NT5C3A: variants seen among roughly 807,000 people sequenced by gnomAD.
NT5C3A encodes 5'-nucleotidase, cytosolic IIIA.
NT5C3A carries 23 observed loss-of-function variants against 40.0 expected under a neutral mutation model. The observed-to-expected ratio is 0.58, with a 90% CI of 0.41 to 0.81. NT5C3A has a LOEUF of 0.81. Ranked by LOEUF, NT5C3A falls within the 40% of genes least tolerant of loss-of-function variation. The pLI is 0.00. For synonymous variants in NT5C3A, 130 were observed against 141.4 expected (o/e 0.92, Z 0.57); for missense variants, 328 against 403.0 (o/e 0.81, Z 1.59).
Position 33,054,987 on chromosome 7 carries a change from G to C in NT5C3A, c.138+7581C>G, listed in dbSNP as rs190162694. The stretch of plus-strand genomic sequence containing the variant: ...TGTGTTGAGAGCTACTTAAAATCTA[G>C]ATATTTCAAGTGTGAATGAATATAT... On this transcript the variant is annotated intron_variant, in intron 1 of 8. Coordinates refer to ENST00000610140, the MANE Select transcript of NT5C3A (RefSeq NM_001002010.5). Among the ~76,000 whole-genome samples the C allele has an allele frequency of 3.1e-3, 465 of 152,310 alleles. 2 individuals are homozygous for C. Among genetic ancestry groups the C allele is most frequent in the Middle Eastern group, 6.8e-3 (2 of 294 alleles).
chr7:33,016,661 C>T (rs1470761424), intron 7 of NT5C3A, among the ~76,000 whole-genome samples: 2 of 129,690 alleles, frequency 1.5e-5, no homozygotes, highest in African/African-American at 6.3e-5. Flanking sequence ...CAGAGCAAGA[C>T]TCCCTCTCAA....
chr7:33,026,602 C>A (rs1785949853), intron 2 of NT5C3A, among the ~76,000 whole-genome samples: 1 of 151,638 alleles, frequency 6.6e-6, no homozygotes, highest in Non-Finnish European at 1.5e-5. Flanking sequence ...CCTTGTCCAC[C>A]CGCCTCGGCC....
chr7:33,062,696 C>A lies in NT5C3A; in HGVS notation c.10G>T (p.Ala4Ser). The change falls in exon 1 of 9, where the codon GCG becomes TCG. Residue 4 changes from alanine to serine, a missense_variant. Coordinates refer to ENST00000610140, the MANE Select transcript of NT5C3A (RefSeq NM_001002010.5). ...ACCGCGCCCACCCTCGCCACGGCCGCGCGGTCCATGGACGGGGCCCTCATG... is the reference window on the plus strand; with the variant it reads ...ACCGCGCCCACCCTCGCCACGGCCGAGCGGTCCATGGACGGGGCCCTCATG... MDR[A>S]AVARVGAVAS... The A allele has an allele frequency of 6.4e-6, 10 of 1,566,432 alleles. No individual in the cohort carries two copies. The highest frequency in any genetic ancestry group is 7.8e-6 in the Non-Finnish European group (9 of 1,156,494).
At chr7:33,024,165 C>A (rs1311907513) in intron 2 of NT5C3A, 57 bp from the exon 3 acceptor site, 9 of 953,180 alleles carry the variant, frequency 9.4e-6, no homozygotes, top group Non-Finnish European at 5.1e-6. Flanking sequence ...GCCAGAATTT[C>A]TCTGTGCTAC....
chr7:33,032,423 C>A (rs1338729354), intron 1 of NT5C3A, among the ~76,000 whole-genome samples: 1,021 of 94,540 alleles, frequency 0.011, 1 homozygote, highest in South Asian at 0.013. Context: ...ACTCGGTCTC[C>A]AAAAAAAAAA....
At position 33,027,113 on chromosome 7, in the gene NT5C3A, C is replaced by T. The variant is rs932205526; in HGVS notation, c.139-198G>A. 17 of 471,890 alleles carry T rather than the reference C, an allele frequency of 3.6e-5. 1 individual carries two copies. Among genetic ancestry groups the T allele is most frequent in the African/African-American group, 2.2e-4 (11 of 50,326 alleles). 29.2% of individuals were successfully genotyped at this position (471,890 alleles called of 1,614,324 possible). On this transcript the variant is annotated intron_variant, in intron 1 of 8. Coordinates refer to ENST00000610140, the MANE Select transcript of NT5C3A (RefSeq NM_001002010.5). ...GAGATGAGGTCTTGTTTTGTCACCC[C>T]GGCTGGAGTGCAGTGGCACAATCCT... is the stretch of plus-strand genomic sequence containing the variant.
chr7:33,033,057 G>A (rs767003353), intron 1 of NT5C3A, among the ~76,000 whole-genome samples: 2 of 152,136 alleles, frequency 1.3e-5, no homozygotes, highest in Non-Finnish European at 2.9e-5. Context: ...CAGCCTCAGT[G>A]AATTTTAAAT....
chr7:33,051,526 A>G (rs1318634559), intron 1 of NT5C3A, among the ~76,000 whole-genome samples: 1 of 152,182 alleles, frequency 6.6e-6, no homozygotes, highest in Non-Finnish European at 1.5e-5. Flanking sequence ...TAAAATACAC[A>G]GGAACATTCA....
At chr7:33,034,183 G>A (rs994076389) in intron 1 of NT5C3A, among the ~76,000 whole-genome samples, 8 of 152,022 alleles carry the variant, frequency 5.3e-5, no homozygotes, top group East Asian at 1.9e-4. Flanking sequence ...GAGCCACCGC[G>A]CCCGGCCAGA....
chr7:33,062,563 C>G lies in NT5C3A; in HGVS notation c.138+5G>C, dbSNP rs756667436. The G allele has an allele frequency of 4.3e-6, 7 of 1,609,680 alleles. No homozygotes were observed. Among genetic ancestry groups the G allele is most frequent in the Non-Finnish European group, 5.9e-6 (7 of 1,178,672 alleles). ...GCTCTGGGCGCGCCGAGCCTCCACA[C>G]TCACCATCTCGATGATCTTGGTCTT... On this transcript the variant is annotated splice_donor_5th_base_variant and intron_variant, in intron 1 of 8. Coordinates refer to ENST00000610140, the MANE Select transcript of NT5C3A (RefSeq NM_001002010.5).
chr7:33,019,015 A>T (rs1468275990), intron 6 of NT5C3A, among the ~76,000 whole-genome samples: 1 of 152,002 alleles, frequency 6.6e-6, no homozygotes, highest in African/African-American at 2.4e-5. Flanking sequence ...CACACATATA[A>T]TCCCAGCACT....
intron 1 of NT5C3A, among the ~76,000 whole-genome samples, chr7:33,040,023 T>C (rs1609410): frequency 0.72 from 110,155 of 151,986 alleles, 40,191 homozygotes; most frequent in African/African-American, 0.79. Flanking sequence ...GTAAACCACA[T>C]ACAGCACATG....
intron 1 of NT5C3A, among the ~76,000 whole-genome samples, chr7:33,051,552 T>C (rs1475511871): frequency 6.6e-6 from 1 of 152,158 alleles, no homozygotes; most frequent in Non-Finnish European, 1.5e-5. Flanking sequence ...CTATGAACAT[T>C]AAGGATAATC....
At chr7:33,024,927 G>C (rs1216648705) in intron 2 of NT5C3A, among the ~76,000 whole-genome samples, 1 of 152,072 alleles carries the variant, frequency 6.6e-6, no homozygotes, top group Non-Finnish European at 1.5e-5. Flanking sequence ...ATCACTCGAG[G>C]TCAGGAGTTT....
In NT5C3A at chr7:33,049,017, T is replaced by C. The variant is rs180718337; in HGVS notation, c.138+13551A>G. Among the ~76,000 whole-genome samples, 296 of 152,360 alleles carry C rather than the reference T, an allele frequency of 1.9e-3. 2 individuals carry two copies. Among genetic ancestry groups the C allele is most frequent in the African/African-American group, 6.7e-3 (279 of 41,580 alleles). ...AAGGGAGAAGATAGGACAATATGTA[T>C]TGAATAACTACTACGTGGTAAGCAC... On this transcript the variant is annotated intron_variant, in intron 1 of 8. Coordinates refer to ENST00000610140, the MANE Select transcript of NT5C3A (RefSeq NM_001002010.5).
chr7:33,015,885 A>G lies in NT5C3A; in HGVS notation c.694-15T>C, dbSNP rs1785296818. On this transcript the variant is annotated splice_polypyrimidine_tract_variant and intron_variant, in intron 7 of 8. Transcript: ENST00000610140. ...TTGAGCACCCCCTATGAAAAATATA[A>G]ATCTTTTGAACAGGCTTTAAAAATT... 1 of 1,548,844 alleles carries G rather than the reference A, an allele frequency of 6.5e-7. No individual in the cohort carries two copies. The highest frequency in any genetic ancestry group is 1.4e-5 in the African/African-American group (1 of 73,728).
Position 33,017,511 on chromosome 7 carries a change from TTCC to T in NT5C3A, c.618_620del (p.Glu207del). The stretch of plus-strand genomic sequence containing the variant: ...GATAAACACCAGCTTGACGAATAAC[TTCC>T]TCTAGTACATCGCCGATTCCAGCCG... On this transcript the variant is annotated inframe_deletion, in exon 7 of 9. Transcript: ENST00000610140. The T allele has an allele frequency of 6.2e-7, 1 of 1,613,636 alleles. No individual in the cohort carries two copies. Among genetic ancestry groups the T allele is most frequent in the Non-Finnish European group, 8.5e-7 (1 of 1,179,514 alleles).
intron 1 of NT5C3A, among the ~76,000 whole-genome samples, chr7:33,058,900 ACAT>A (rs1250631452): frequency 5.9e-5 from 9 of 152,200 alleles, no homozygotes; most frequent in African/African-American, 2.2e-4. Flanking sequence ...AGTTGTCTTC[ACAT>A]CATTGTTTTA....
At chr7:33,056,995 T>C (rs1294049549) in intron 1 of NT5C3A, among the ~76,000 whole-genome samples, 1 of 152,062 alleles carries the variant, frequency 6.6e-6, no homozygotes, top group Non-Finnish European at 1.5e-5. Context: ...GTATTTGTAG[T>C]AGAGATGGGG....
Sources: allele counts gnomAD v4.1 joint callset (sites outside exome capture counted in the v4.1 genomes callset), GRCh38; gene constraint gnomAD v4.1.1; transcripts MANE v1.5; gene names NCBI Gene and HGNC (gene_info 2026-07-23, HGNC 2026-07-21).